Variants in TMEM263 observed in about 807,000 individuals in gnomAD.
TMEM263 encodes the protein UPF0444 transmembrane protein C12orf23.
TMEM263 carries 5 observed loss-of-function variants against 8.6 expected under a neutral mutation model. The observed-to-expected ratio is 0.58, with a 90% CI of 0.31 to 1.23. The LOEUF is 1.23. TMEM263 is among the 50% of genes most tolerant of loss of function. The pLI is 0.07. For synonymous variants in TMEM263, 50 were observed against 47.9 expected (o/e 1.04, Z -0.18); for missense variants, 104 against 138.8 (o/e 0.75, Z 1.26).
chr12:106,967,094 G>C lies in TMEM263; in HGVS notation c.-6-17G>C. 6.6e-7 allele frequency: 1 copy of C among 1,521,410 alleles called. No homozygotes were observed. Among genetic ancestry groups the C allele is most frequent in the South Asian group, 1.2e-5 (1 of 83,658 alleles). The allele number at this position is 1,521,410 out of a possible 1,614,324, so 94.2% of individuals were successfully genotyped here. A position where few individuals can be genotyped will look rare whatever the true frequency, so the allele number is the denominator to read the frequency against. On this transcript the variant is annotated splice_polypyrimidine_tract_variant and intron_variant, in intron 2 of 3. Coordinates refer to ENST00000280756, the MANE Select transcript of TMEM263 (RefSeq NM_152261.4). ...GTTGAGGTTAAAATGAAATGTGTTT[G>C]TATGTTTTTTTTTTAGGAGATCATG...
At chr12:106,964,311 G>A (rs578257363) in intron 2 of TMEM263, among the ~76,000 whole-genome samples, 2 of 152,264 alleles carry the variant, frequency 1.3e-5, no homozygotes, top group Admixed American at 1.3e-4. Context: ...ATTTAATGAA[G>A]TTATTTGTCC....
At chr12:106,961,857 C>G (rs1308589620) in intron 2 of TMEM263, among the ~76,000 whole-genome samples, 1 of 152,050 alleles carries the variant, frequency 6.6e-6, no homozygotes, top group Non-Finnish European at 1.5e-5. Flanking sequence ...TAACTGTGAA[C>G]AAAACTCAGT....
chr12:106,961,652 CT>C (rs1262695038), intron 2 of TMEM263, among the ~76,000 whole-genome samples: 18 of 152,150 alleles, frequency 1.2e-4, no homozygotes, highest in African/African-American at 4.3e-4. Context: ...ATGCCTATAT[CT>C]TTAAGAAAAC....
chr12:106,971,241 G>T lies in TMEM263; in HGVS notation c.201G>T (p.Val67=). The T allele has an allele frequency of 6.2e-7, 1 of 1,614,198 alleles. No individual in the cohort carries two copies. Among genetic ancestry groups the T allele is most frequent in the South Asian group, 1.1e-5 (1 of 91,076 alleles). Residue 67 remains valine, a synonymous_variant, in exon 4 of 4, where the codon GTG becomes GTT. Transcript: ENST00000280756. ...VAWIGGKSLE[V]TKTAVTTVPS... is the part of the protein sequence containing the mutation. ...GGATTGGTGGAAAGAGTCTGGAAGT[G>T]ACCAAAACAGCTGTTACAACTGTGC...
At chr12:106,961,183 A>G (rs547858104) in intron 2 of TMEM263, among the ~76,000 whole-genome samples, 3 of 147,064 alleles carry the variant, frequency 2.0e-5, no homozygotes, top group African/African-American at 7.6e-5. Context: ...TCATCCTTCC[A>G]AATATGTGGG....
At chr12:106,970,282 A>G (rs931382835) in intron 3 of TMEM263, among the ~76,000 whole-genome samples, 2 of 152,182 alleles carry the variant, frequency 1.3e-5, no homozygotes, top group African/African-American at 4.8e-5. Flanking sequence ...GTCTTTGTCA[A>G]TATTTACCAT....
chr12:106,971,004 C>T (rs1050380199), intron 3 of TMEM263, 101 bp from the exon 4 acceptor site: 3 of 1,257,792 alleles, frequency 2.4e-6, no homozygotes, highest in Non-Finnish European at 3.4e-6. Flanking sequence ...TCAAATCAAC[C>T]TCCTGTTGTG....
intron 2 of TMEM263, chr12:106,959,333 C>T (rs548301727): frequency 2.0e-5 from 3 of 152,184 alleles, no homozygotes; most frequent in African/African-American, 7.2e-5. Flanking sequence ...ACATCCGTCT[C>T]CCAGGTTCAA....
At chr12:106,956,570 T>C (rs186486759) in intron 1 of TMEM263, among the ~76,000 whole-genome samples, 1 of 152,152 alleles carries the variant, frequency 6.6e-6, no homozygotes, top group East Asian at 1.9e-4. Flanking sequence ...TAACCTAAAG[T>C]AAAAGTGGGA....
chr12:106,972,835 T>C lies in TMEM263; in HGVS notation c.*1444T>C, dbSNP rs1240903235. 6.6e-6 allele frequency: 1 copy of C among 151,306 alleles called. No individual in the cohort carries two copies. Among genetic ancestry groups the C allele is most frequent in the Admixed American group, 6.6e-5 (1 of 15,202 alleles). The allele number at this position is 151,306 out of a possible 1,614,324, so 9.4% of individuals were successfully genotyped here. On this transcript the variant is annotated 3_prime_UTR_variant, in exon 4 of 4. Coordinates refer to ENST00000280756, the MANE Select transcript of TMEM263 (RefSeq NM_152261.4). ...TCTTAAATTTCTTTTTACTTAAATC[T>C]GGAAATTTGTCTCCATTCTGCCACC... is the stretch of plus-strand genomic sequence containing the variant.
intron 2 of TMEM263, among the ~76,000 whole-genome samples, chr12:106,963,583 G>A (rs372350879): frequency 5.9e-5 from 9 of 152,304 alleles, no homozygotes; most frequent in Non-Finnish European, 1.2e-4. Context: ...GCCACTTACT[G>A]TATTAATCTC....
chr12:106,966,995 G>A (rs1326424000), intron 2 of TMEM263, 116 bp from the exon 3 acceptor site: 2 of 669,318 alleles, frequency 3.0e-6, no homozygotes, highest in Non-Finnish European at 5.2e-6. Flanking sequence ...TTGTATAGTG[G>A]GTACAAAATG....
At chr12:106,962,296 A>G (rs1301593607) in intron 2 of TMEM263, among the ~76,000 whole-genome samples, 2 of 151,952 alleles carry the variant, frequency 1.3e-5, no homozygotes, top group Non-Finnish European at 2.9e-5. Flanking sequence ...TTTTTAAAAA[A>G]TTGGGCATGA....
chr12:106,970,263 A>G (rs1372758529), intron 3 of TMEM263, among the ~76,000 whole-genome samples: 1 of 152,184 alleles, frequency 6.6e-6, no homozygotes, highest in Middle Eastern at 3.2e-3. Flanking sequence ...TGAGGCCCCA[A>G]AGAGCTGTGT....
At position 106,972,255 on chromosome 12, in the gene TMEM263, A is replaced by G. The variant is rs1399997935; in HGVS notation, c.*864A>G. Reference sequence around the variant, plus strand: ...CACAGTGCCTAAGGAACATTTACTTACTGGTCAGAAGGTATTTTGGAAGAG... The same window carrying G: ...CACAGTGCCTAAGGAACATTTACTTGCTGGTCAGAAGGTATTTTGGAAGAG... On this transcript the variant is annotated 3_prime_UTR_variant, in exon 4 of 4. Coordinates refer to ENST00000280756, the MANE Select transcript of TMEM263 (RefSeq NM_152261.4). The G allele has an allele frequency of 2.0e-5, 3 of 152,198 alleles. No homozygotes were observed. The highest frequency in any genetic ancestry group is 7.2e-5 in the African/African-American group (3 of 41,436). The allele number at this position is 152,198 out of a possible 1,614,324, so 9.4% of individuals were successfully genotyped here.
intron 3 of TMEM263, chr12:106,967,393 G>T: frequency 2.7e-6 from 1 of 377,110 alleles, no homozygotes; most frequent in Non-Finnish European, 4.7e-6. Context: ...CAAGTAGCTG[G>T]GATTACAGGT....
chr12:106,958,646 T>A (rs538834755), intron 2 of TMEM263, among the ~76,000 whole-genome samples: 1 of 152,390 alleles, frequency 6.6e-6, no homozygotes, highest in African/African-American at 2.4e-5. Context: ...GTTTAGTTGG[T>A]ATTGTAATAG....
intron 3 of TMEM263, among the ~76,000 whole-genome samples, chr12:106,970,057 C>T (rs1002418387): frequency 3.9e-5 from 6 of 152,118 alleles, no homozygotes; most frequent in Non-Finnish European, 7.4e-5. Flanking sequence ...GTTTCTCTAT[C>T]CTACTTATGT....
chr12:106,960,318 A>C (rs1301000244), intron 2 of TMEM263, among the ~76,000 whole-genome samples: 4 of 148,272 alleles, frequency 2.7e-5, no homozygotes, highest in African/African-American at 4.9e-5. Flanking sequence ...TACAGGTGTG[A>C]GCCACCATGT....
Sources: allele counts gnomAD v4.1 joint callset (sites outside exome capture counted in the v4.1 genomes callset), GRCh38; gene constraint gnomAD v4.1.1; transcripts MANE v1.5; gene names NCBI Gene and HGNC (gene_info 2026-07-23, HGNC 2026-07-21).